ZNF827: variants seen among roughly 807,000 people sequenced by gnomAD.
The protein encoded by ZNF827 is zinc finger protein 827.
In ZNF827, 13 loss-of-function variants were observed where a neutral mutation model predicts 102.4. The observed-to-expected ratio is 0.13, with a 90% CI of 0.08 to 0.20. The LOEUF (loss-of-function observed/expected upper bound fraction) is 0.20, where lower values mean the gene tolerates loss of function less well. ZNF827 is among the 10% of genes least tolerant of loss of function. ZNF827 has a pLI of 1.00. For synonymous variants in ZNF827, 523 were observed against 536.2 expected (o/e 0.98, Z 0.34); for missense variants, 1,103 against 1,344.4 (o/e 0.82, Z 2.81).
intron 5 of ZNF827, among the ~76,000 whole-genome samples, chr4:145,855,230 C>G (rs551657676): frequency 1.3e-5 from 2 of 152,326 alleles, no homozygotes; most frequent in Admixed American, 6.5e-5. Context: ...TATTGTAGAA[C>G]AAGAAGCTTA....
chr4:145,809,649 C>T, intron 8 of ZNF827, among the ~76,000 whole-genome samples: 1 of 152,196 alleles, frequency 6.6e-6, no homozygotes, highest in East Asian at 1.9e-4. Context: ...ATTGTAGCAT[C>T]TAAGATTGGT....
At chr4:145,786,822 T>C (rs1738931850) in intron 8 of ZNF827, among the ~76,000 whole-genome samples, 1 of 152,242 alleles carries the variant, frequency 6.6e-6, no homozygotes, top group African/African-American at 2.4e-5. Context: ...TTTTTAATTT[T>C]TTCAGAGTCA....
At chr4:145,883,899 C>T (rs1749889209) in intron 4 of ZNF827, among the ~76,000 whole-genome samples, 1 of 152,142 alleles carries the variant, frequency 6.6e-6, no homozygotes, top group African/African-American at 2.4e-5. Flanking sequence ...AACTAGAGTT[C>T]CCCTGGAGGT....
At chr4:145,867,950 T>C (rs183013216) in intron 5 of ZNF827, among the ~76,000 whole-genome samples, 74 of 152,352 alleles carry the variant, frequency 4.9e-4, no homozygotes, top group Admixed American at 1.9e-3. Context: ...GGATGTCTTT[T>C]AGGGCATGAA....
chr4:145,933,085 C>T (rs1228844414), intron 1 of ZNF827, among the ~76,000 whole-genome samples: 1 of 152,196 alleles, frequency 6.6e-6, no homozygotes, highest in Non-Finnish European at 1.5e-5. Context: ...GAGATGGCAG[C>T]ATGCAGGTAA....
At chr4:145,775,736 T>C (rs1736964463) in intron 10 of ZNF827, 53 bp downstream of exon 10, 2 of 1,604,736 alleles carry the variant, frequency 1.2e-6, no homozygotes, top group Admixed American at 1.7e-5. Context: ...GTAGGAAGTG[T>C]TGAAGTCAAG....
intron 7 of ZNF827, among the ~76,000 whole-genome samples, chr4:145,837,223 C>A (rs971242661): frequency 6.6e-6 from 1 of 152,178 alleles, no homozygotes; most frequent in East Asian, 1.9e-4. Flanking sequence ...ACCTTTATAT[C>A]CCTTATGGTC....
chr4:145,764,446 T>A (rs960495110), intron 13 of ZNF827, among the ~76,000 whole-genome samples: 1 of 152,218 alleles, frequency 6.6e-6, no homozygotes, highest in Non-Finnish European at 1.5e-5. Context: ...ATGCTCGTTG[T>A]CTAGATCTTG....
intron 5 of ZNF827, among the ~76,000 whole-genome samples, chr4:145,865,796 C>T (rs1748128582): frequency 6.6e-6 from 1 of 152,208 alleles, no homozygotes; most frequent in Non-Finnish European, 1.5e-5. Flanking sequence ...TGCTCTCCCT[C>T]CCAGCAATCC....
At chr4:145,882,083 T>C (rs914429287) in intron 4 of ZNF827, among the ~76,000 whole-genome samples, 2 of 152,228 alleles carry the variant, frequency 1.3e-5, no homozygotes, top group Admixed American at 1.3e-4. Context: ...TAAGAACTGC[T>C]GCTGGCTATG....
chr4:145,763,176 G>A lies in ZNF827; in HGVS notation c.3231-54C>T. On this transcript the variant is annotated intron_variant, in intron 13 of 14. Transcript: ENST00000508784. The surrounding 1 kb of genome is among the most constrained non-coding windows in gnomAD (Gnocchi z 4.6). Reference sequence around the variant, plus strand: ...TCTTATTTGATCTGCATTATGAACAGGATATAGAGTACAAGCAGTTCCATC... The same window carrying A: ...TCTTATTTGATCTGCATTATGAACAAGATATAGAGTACAAGCAGTTCCATC... 6.6e-7 allele frequency: 1 copy of A among 1,512,886 alleles called. No individual in the cohort carries two copies. The highest frequency in any genetic ancestry group is 8.9e-7 in the Non-Finnish European group (1 of 1,127,824). The allele number at this position is 1,512,886 out of a possible 1,614,324, so 93.7% of individuals were successfully genotyped here.
At chr4:145,866,582 C>A (rs756957430) in intron 5 of ZNF827, among the ~76,000 whole-genome samples, 3 of 152,134 alleles carry the variant, frequency 2.0e-5, no homozygotes, top group Non-Finnish European at 4.4e-5. Context: ...AAATTAAGGT[C>A]TAATATGAAG....
In ZNF827 at chr4:145,765,762, G is replaced by A; in HGVS notation, c.2861-24C>T. On this transcript the variant is annotated intron_variant, in intron 11 of 14. Transcript: ENST00000508784. This position sits in a 1 kb window ranked among gnomAD's most constrained non-coding sequence, Gnocchi z 4.7. The stretch of plus-strand genomic sequence containing the variant: ...CCCTGAAAAATAAGCAAATAACCCA[G>A]TCTGTTAATGAGATGAAAATCCTCA... The A allele has an allele frequency of 1.2e-6, 2 of 1,605,018 alleles. No homozygotes were observed. Among genetic ancestry groups the A allele is most frequent in the Non-Finnish European group, 1.7e-6 (2 of 1,175,092 alleles).
chr4:145,935,111 C>A lies in ZNF827; in HGVS notation c.43+3254G>T, dbSNP rs558230586. On this transcript the variant is annotated intron_variant, in intron 1 of 14. Coordinates refer to ENST00000508784, the MANE Select transcript of ZNF827 (RefSeq NM_001306215.2). ...CTTTTAGAGTCAACTTTTAAATCTG[C>A]CCCTATTTAACTTCTTAAAACCCTG... is the stretch of plus-strand genomic sequence containing the variant. Among the ~76,000 whole-genome samples, 53 of 152,242 alleles carry A rather than the reference C, an allele frequency of 3.5e-4. 1 individual carries two copies. The highest frequency in any genetic ancestry group is 2.9e-3 in the Admixed American group (44 of 15,292).
chr4:145,828,168 C>T (rs997479919), intron 7 of ZNF827, among the ~76,000 whole-genome samples: 1 of 152,166 alleles, frequency 6.6e-6, no homozygotes, highest in Non-Finnish European at 1.5e-5. Flanking sequence ...CATGTTTGTA[C>T]TGTCCTCCAA....
intron 7 of ZNF827, chr4:145,831,508 AC>A (rs1198845016): frequency 6.6e-6 from 1 of 152,252 alleles, no homozygotes; most frequent in Non-Finnish European, 1.5e-5. Flanking sequence ...CAATCACTCT[AC>A]TAGCATATAG....
intron 9 of ZNF827, among the ~76,000 whole-genome samples, chr4:145,778,564 A>C (rs1014183404): frequency 3.9e-5 from 6 of 152,160 alleles, no homozygotes; most frequent in Admixed American, 6.5e-5. Flanking sequence ...GTTAGCTGGG[A>C]TGCAGCCACT....
At position 145,764,988 on chromosome 4, in the gene ZNF827, T is replaced by C; in HGVS notation, c.3230A>G (p.Asn1077Ser). 6.2e-7 allele frequency: 1 copy of C among 1,612,306 alleles called. No individual in the cohort carries two copies. The highest frequency in any genetic ancestry group is 8.5e-7 in the Non-Finnish European group (1 of 1,179,032). Residue 1077 changes from asparagine to serine, a missense_variant and splice_region_variant, in exon 13 of 15, where the codon AAC becomes AGC. Transcript: ENST00000508784. Reference protein sequence around the residue: ...KCHTVPTGGLNSGQW With the variant: ...KCHTVPTGGLSSGQW ...AAGGTTCTGTACTTGCTTTCCTTAC[T>C]TGAGCCCACCGGTGGGGACAGTGTG...
At chr4:145,830,019 G>A (rs1432254238) in intron 7 of ZNF827, among the ~76,000 whole-genome samples, 2 of 152,182 alleles carry the variant, frequency 1.3e-5, no homozygotes, top group African/African-American at 4.8e-5. Flanking sequence ...CAAAAGCCAC[G>A]AGAAAAGGCA....
Sources: allele counts gnomAD v4.1 joint callset (sites outside exome capture counted in the v4.1 genomes callset), GRCh38; gene constraint gnomAD v4.1.1; non-coding constraint Gnocchi (gnomAD v3.1); transcripts MANE v1.5; gene names NCBI Gene and HGNC (gene_info 2026-07-23, HGNC 2026-07-21).